The following SHISAL1 variants were observed in gnomAD, a reference collection of about 807,000 sequenced individuals.
The protein encoded by SHISAL1 is protein shisa-like-1.
A neutral mutation model predicts 22.6 loss-of-function variants in SHISAL1; 9 were observed. The observed-to-expected ratio is 0.40, with a 90% CI of 0.24 to 0.70. The LOEUF (loss-of-function observed/expected upper bound fraction) is 0.70, where lower values mean the gene tolerates loss of function less well. Among genes scored for constraint, SHISAL1 ranks in the 30% least tolerant of loss-of-function variants. The pLI, the probability that SHISAL1 is intolerant of heterozygous loss-of-function variation, is 0.39. For missense variants in SHISAL1, 246 were observed against 270.6 expected (o/e 0.91, Z 0.64); for synonymous variants, 119 against 115.4 (o/e 1.03, Z -0.20).
At chr22:44,285,793 G>T in intron 3 of SHISAL1, 48 bp from the exon 4 acceptor site, 1 of 1,467,824 alleles carries the variant, frequency 6.8e-7, no homozygotes, top group Non-Finnish European at 9.4e-7. Context: ...GAGCAGTCCA[G>T]CTCAGGCCGG....
chr22:44,306,625 G>A (rs1393032268), intron 1 of SHISAL1, among the ~76,000 whole-genome samples: 2 of 138,028 alleles, frequency 1.4e-5, no homozygotes, highest in Non-Finnish European at 3.1e-5. Flanking sequence ...AAGGAGCTGT[G>A]ATGACGATGG....
chr22:44,262,325 C>A (rs1210157892), intron 4 of SHISAL1, among the ~76,000 whole-genome samples: 1 of 152,212 alleles, frequency 6.6e-6, no homozygotes, highest in South Asian at 2.1e-4. Flanking sequence ...GCAGAGGCGG[C>A]AGCCACAAAG....
At chr22:44,324,792 C>T in the SHISAL1 span, among the ~76,000 whole-genome samples, 1 of 152,188 alleles carries the variant, frequency 6.6e-6, no homozygotes, top group African/African-American at 2.4e-5. Flanking sequence ...CCCTCTGGCC[C>T]GTTGTCCTGA....
At chr22:44,270,212 C>T (rs765906426) in intron 4 of SHISAL1, among the ~76,000 whole-genome samples, 15 of 152,158 alleles carry the variant, frequency 9.9e-5, no homozygotes, top group African/African-American at 3.6e-4. Flanking sequence ...TCTCCTATCT[C>T]GACAACCCTG....
upstream of SHISAL1, among the ~76,000 whole-genome samples, chr22:44,313,101 C>G (rs1029093164): frequency 5.3e-5 from 8 of 152,238 alleles, no homozygotes; most frequent in Non-Finnish European, 1.0e-4. Context: ...GGTCTTACAG[C>G]CTTGTGCATC....
At chr22:44,320,354 A>T in the SHISAL1 span, among the ~76,000 whole-genome samples, 2 of 152,174 alleles carry the variant, frequency 1.3e-5, no homozygotes, top group African/African-American at 4.8e-5. Context: ...GCCAGCCCAG[A>T]ACTGGGCATG....
At position 44,253,425 on chromosome 22, in the gene SHISAL1, A is replaced by ATTTTTTTTTTTTTTTTTTTTTT. The variant is rs1491154287; in HGVS notation, c.*-3741_*-3740insAAAAAAAAAAAAAAAAAAAAAA. 3.7e-5 allele frequency among the ~76,000 whole-genome samples: 4 copies of ATTTTTTTTTTTTTTTTTTTTTT among 107,884 alleles called. 2 individuals carry two copies. Among genetic ancestry groups the ATTTTTTTTTTTTTTTTTTTTTT allele is most frequent in the Non-Finnish European group, 4.0e-5 (2 of 50,378 alleles). 70.8% of individuals were successfully genotyped at this position (107,884 alleles called of 152,430 possible). A position where few individuals can be genotyped will look rare whatever the true frequency, so the allele number is the denominator to read the frequency against. ...AAGCAGAGTATGCTAGTATTAGTGCATGTTTTTTTTTTTTTTTTTTTTTGA... is the reference window on the plus strand; with the variant it reads ...AAGCAGAGTATGCTAGTATTAGTGCATTTTTTTTTTTTTTTTTTTTTTTGTTTTTTTTTTTTTTTTTTTTTGA... On this transcript the variant is annotated intron_variant, in intron 4 of 4. Transcript: ENST00000381176.
At position 44,246,190 on chromosome 22, in the gene SHISAL1, TAG is replaced by T. The variant is rs931782934; in HGVS notation, c.*3493_*3494del. On this transcript the variant is annotated 3_prime_UTR_variant, in exon 5 of 5. Transcript: ENST00000381176. ...GGCATTACCAGCTATTGGTTCTGAA[TAG>T]AGATTCTGAAACACACAACAATCAC... 1.3e-5 allele frequency: 2 copies of T among 151,858 alleles called. No homozygotes were observed. Among genetic ancestry groups the T allele is most frequent in the African/African-American group, 4.9e-5 (2 of 41,140 alleles). 9.4% of individuals were successfully genotyped at this position (151,858 alleles called of 1,614,324 possible).
the SHISAL1 span, among the ~76,000 whole-genome samples, chr22:44,324,754 G>C: frequency 6.6e-6 from 1 of 152,186 alleles, no homozygotes; most frequent in African/African-American, 2.4e-5. Flanking sequence ...GAAGGAGGCA[G>C]CCTGCCTGAG....
At chr22:44,290,869 G>T (rs2055348227) in intron 3 of SHISAL1, among the ~76,000 whole-genome samples, 1 of 152,200 alleles carries the variant, frequency 6.6e-6, no homozygotes, top group African/African-American at 2.4e-5. Context: ...AGACCCAGAG[G>T]CAAAGTGCCT....
chr22:44,331,442 C>A, the SHISAL1 span, among the ~76,000 whole-genome samples: 43 of 151,222 alleles, frequency 2.8e-4, no homozygotes, highest in Non-Finnish European at 5.0e-4. The surrounding 1 kb of genome is among the most constrained non-coding windows in gnomAD (Gnocchi z 5.2). Context: ...CCGGCCCAGG[C>A]GCGCCCCTCC....
At chr22:44,293,435 G>A (rs929594046) in intron 3 of SHISAL1, among the ~76,000 whole-genome samples, 23 of 152,258 alleles carry the variant, frequency 1.5e-4, no homozygotes, top group Admixed American at 8.5e-4. Flanking sequence ...GAGGTGCACC[G>A]GGTCAGTGGA....
chr22:44,284,815 T>C (rs1164295616), intron 4 of SHISAL1, among the ~76,000 whole-genome samples: 1 of 151,920 alleles, frequency 6.6e-6, no homozygotes, highest in African/African-American at 2.4e-5. Flanking sequence ...GGAATTGCAG[T>C]AGACAAGCTC....
intron 3 of SHISAL1, among the ~76,000 whole-genome samples, chr22:44,293,411 G>A (rs1450709104): frequency 3.9e-5 from 6 of 152,196 alleles, no homozygotes; most frequent in Admixed American, 6.5e-5. Flanking sequence ...GGTTGTCACC[G>A]GGGTGGTGGG....
intron 4 of SHISAL1, among the ~76,000 whole-genome samples, chr22:44,251,824 G>A (rs1231581838): frequency 6.6e-6 from 1 of 152,186 alleles, no homozygotes; most frequent in Non-Finnish European, 1.5e-5. Flanking sequence ...TACAATTCAA[G>A]ATGAGATTTG....
chr22:44,249,648 C>G lies in SHISAL1; in HGVS notation c.*37G>C, dbSNP rs1455837777. ...GGAGGCTGCACCGGGTGCTTCAGAT[C>G]TCATCTCCCCCATCCTGAGGCACAG... On this transcript the variant is annotated 3_prime_UTR_variant, in exon 5 of 5. Transcript: ENST00000381176. 1.3e-6 allele frequency: 1 copy of G among 779,796 alleles called. No homozygotes were observed. Among genetic ancestry groups the G allele is most frequent in the South Asian group, 1.3e-5 (1 of 74,516 alleles). 48.3% of individuals were successfully genotyped at this position (779,796 alleles called of 1,614,324 possible).
chr22:44,324,130 A>G, the SHISAL1 span, among the ~76,000 whole-genome samples: 4 of 152,304 alleles, frequency 2.6e-5, no homozygotes, highest in Admixed American at 2.6e-4. Flanking sequence ...AGCTGTCCCA[A>G]ATGTTACAAT....
chr22:44,254,168 T>C (rs1458788600), intron 4 of SHISAL1, among the ~76,000 whole-genome samples: 3 of 152,040 alleles, frequency 2.0e-5, no homozygotes, highest in East Asian at 3.9e-4. Context: ...AAGAGGAACA[T>C]ACATAGCCTT....
intron 4 of SHISAL1, among the ~76,000 whole-genome samples, chr22:44,261,412 G>A (rs2055123570): frequency 6.6e-6 from 1 of 152,112 alleles, no homozygotes; most frequent in African/African-American, 2.4e-5. Flanking sequence ...GACTCCCACA[G>A]GCCTTTTGTA....
Sources: allele counts gnomAD v4.1 joint callset (sites outside exome capture counted in the v4.1 genomes callset), GRCh38; gene constraint gnomAD v4.1.1; non-coding constraint Gnocchi (gnomAD v3.1); transcripts MANE v1.5; gene names NCBI Gene and HGNC (gene_info 2026-07-23, HGNC 2026-07-21).